Variants in PLEKHA5 observed in about 807,000 individuals in gnomAD.
PLEKHA5 encodes pleckstrin homology domain containing A5, also known as pleckstrin homology domain-containing family A member 5.
PLEKHA5 carries 55 observed loss-of-function variants against 181.9 expected under a neutral mutation model. The ratio of observed to expected loss-of-function variants is 0.30; its 90% CI spans 0.24 to 0.38. The LOEUF (loss-of-function observed/expected upper bound fraction) is 0.38, where lower values mean the gene tolerates loss of function less well. Among genes scored for constraint, PLEKHA5 ranks in the 10% least tolerant of loss-of-function variants. The pLI is 1.00. For synonymous variants in PLEKHA5, 535 were observed against 529.4 expected (o/e 1.01, Z -0.15); for missense variants, 1,432 against 1,549.5 (o/e 0.92, Z 1.27).
Position 19,361,623 on chromosome 12 carries a change from A to G in PLEKHA5, c.3525A>G (p.Glu1175=), listed in dbSNP as rs758051778. 1 of 1,557,670 alleles carries G rather than the reference A, an allele frequency of 6.4e-7. No homozygotes were observed. The highest frequency in any genetic ancestry group is 8.8e-7 in the Non-Finnish European group (1 of 1,135,086). The part of the protein sequence containing the change: ...TENISYEMLF[E]PEPNGVNSVE... ...ACATTTCATATGAAATGCTTTTTGA[A>G]CCTGAGCCAAATGGAGTAAATTCTG... Residue 1175 remains glutamate (E), a synonymous_variant, in exon 29 of 32, where the codon GAA becomes GAG. Coordinates refer to ENST00000429027, the MANE Select transcript of PLEKHA5 (RefSeq NM_001256470.2).
chr12:19,361,266 T>C (rs1163831544), intron 28 of PLEKHA5, among the ~76,000 whole-genome samples: 2 of 152,180 alleles, frequency 1.3e-5, no homozygotes, highest in East Asian at 1.9e-4. Flanking sequence ...CACTGCATGC[T>C]CCACCTGCCA....
chr12:19,237,971 C>G (rs1289499591), intron 3 of PLEKHA5, among the ~76,000 whole-genome samples: 1 of 151,844 alleles, frequency 6.6e-6, no homozygotes, highest in East Asian at 1.9e-4. Flanking sequence ...TTATATTGTA[C>G]AAACAAAAGC....
intron 3 of PLEKHA5, among the ~76,000 whole-genome samples, chr12:19,138,000 G>A (rs1002427470): frequency 2.0e-5 from 3 of 152,106 alleles, no homozygotes; most frequent in Admixed American, 1.3e-4. Context: ...AGACCCCTTC[G>A]TTTCTTCTTA....
At chr12:19,320,306 G>T (rs1363069475) in intron 17 of PLEKHA5, among the ~76,000 whole-genome samples, 1 of 151,878 alleles carries the variant, frequency 6.6e-6, no homozygotes, top group African/African-American at 2.4e-5. Context: ...TATTAGTTTT[G>T]TTTGACCAGC....
chr12:19,213,182 G>A (rs972113924), intron 3 of PLEKHA5, among the ~76,000 whole-genome samples: 5 of 152,094 alleles, frequency 3.3e-5, no homozygotes, highest in African/African-American at 1.2e-4. Flanking sequence ...TGTGTGCAGC[G>A]GCATGGATGG....
At chr12:19,354,258 T>C (rs1177520125) in intron 26 of PLEKHA5, among the ~76,000 whole-genome samples, 3 of 125,608 alleles carry the variant, frequency 2.4e-5, no homozygotes, top group Middle Eastern at 4.9e-3. Flanking sequence ...TTCACGCCAT[T>C]CTCCTGCCTT....
chr12:19,269,880 G>T lies in PLEKHA5; in HGVS notation c.822G>T (p.Val274=). Residue 274 remains valine, a synonymous_variant, in exon 9 of 32, where the codon GTG becomes GTT. Transcript: ENST00000429027. ...CTGCCCTAGTACAGACAGAACCTGT[G>T]AAAAGGTAAAGGCTTGTAGAAAAAA... ...LDAALVQTEP[V]KRITFNFRVD... is the part of the protein sequence containing the mutation. 1 of 1,524,766 alleles carries T rather than the reference G, an allele frequency of 6.6e-7. No homozygotes were observed. The highest frequency in any genetic ancestry group is 1.1e-5 in the South Asian group (1 of 88,408). The allele number at this position is 1,524,766 out of a possible 1,614,324, so 94.5% of individuals were successfully genotyped here. A position where few individuals can be genotyped will look rare whatever the true frequency, so the allele number is the denominator to read the frequency against.
In PLEKHA5 at chr12:19,359,506, T is replaced by C. The variant is rs199532760; in HGVS notation, c.3443T>C (p.Leu1148Pro). The change falls in exon 28 of 32, where the codon CTA (leucine) becomes CCA (proline). Residue 1148 changes from leucine to proline, a missense_variant. Transcript: ENST00000429027. ...HETPATEIVQLKETEPQNVDF... is the reference protein window; with the variant it reads ...HETPATEIVQPKETEPQNVDF... ...ACTCCTGCAACAGAAATTGTTCAAC[T>C]AAAAGAAACCGAACCCCAAAATGTG... 6.2e-7 allele frequency: 1 copy of C among 1,613,940 alleles called. No individual in the cohort carries two copies. The highest frequency in any genetic ancestry group is 2.2e-5 in the East Asian group (1 of 44,844).
At chr12:19,357,992 C>T (rs1350253284) in intron 26 of PLEKHA5, among the ~76,000 whole-genome samples, 1 of 151,952 alleles carries the variant, frequency 6.6e-6, no homozygotes, top group Non-Finnish European at 1.5e-5. Context: ...TTTCTCTCTC[C>T]TCCCTTATAA....
chr12:19,279,659 C>CA (rs747823499), intron 11 of PLEKHA5, among the ~76,000 whole-genome samples: 8,581 of 131,126 alleles, frequency 0.065, 424 homozygotes, highest in East Asian at 0.19. Context: ...GACTCCATCT[C>CA]AAAAAAAAAA....
At chr12:19,226,227 G>C (rs2059667256) in intron 3 of PLEKHA5, among the ~76,000 whole-genome samples, 1 of 152,010 alleles carries the variant, frequency 6.6e-6, no homozygotes, top group Non-Finnish European at 1.5e-5. Flanking sequence ...TTTTCACTTA[G>C]CATAATGGTT....
At chr12:19,337,915 C>T (rs544948960) in intron 21 of PLEKHA5, among the ~76,000 whole-genome samples, 28 of 151,920 alleles carry the variant, frequency 1.8e-4, no homozygotes, top group African/African-American at 6.5e-4. Flanking sequence ...CCTGTAATCC[C>T]AGCTACTCCA....
intron 3 of PLEKHA5, among the ~76,000 whole-genome samples, chr12:19,181,978 G>A (rs1255928707): frequency 6.6e-6 from 1 of 152,090 alleles, no homozygotes; most frequent in African/African-American, 2.4e-5. Context: ...CTGCTACATA[G>A]TCCTTGCTCT....
At chr12:19,308,572 C>G (rs566742295) in intron 15 of PLEKHA5, among the ~76,000 whole-genome samples, 1 of 152,128 alleles carries the variant, frequency 6.6e-6, no homozygotes, top group Non-Finnish European at 1.5e-5. Context: ...AGTTCACTTA[C>G]ATTACTTACA....
intron 3 of PLEKHA5, among the ~76,000 whole-genome samples, chr12:19,197,672 G>A (rs937846303): frequency 1.5e-5 from 2 of 131,740 alleles, no homozygotes; most frequent in Admixed American, 1.6e-4. Flanking sequence ...GAGTCTATCC[G>A]GTGCTGTGTG....
In PLEKHA5 at chr12:19,274,965, A is replaced by G; in HGVS notation, c.1295A>G (p.His432Arg). ...QWIKIQKGRG[H>R]EEETRGVISY... is the part of the protein sequence containing the mutation. ...ATTAAAATCCAGAAGGGGAGGGGTC[A>G]TGAAGAAGAAACCAGGGGGTAAGTG... Residue 432 changes from histidine to arginine, a missense_variant, in exon 11 of 32, where the codon CAT becomes CGT. His to Arg is a conservative substitution (Grantham distance 29). Coordinates refer to ENST00000429027, the MANE Select transcript of PLEKHA5 (RefSeq NM_001256470.2). 1 of 1,608,160 alleles carries G rather than the reference A, an allele frequency of 6.2e-7. No individual in the cohort carries two copies. The highest frequency in any genetic ancestry group is 8.5e-7 in the Non-Finnish European group (1 of 1,178,894).
intron 3 of PLEKHA5, among the ~76,000 whole-genome samples, chr12:19,235,634 T>C (rs1389222342): frequency 1.3e-5 from 2 of 152,180 alleles, no homozygotes; most frequent in African/African-American, 4.8e-5. Context: ...GTAACCTGCC[T>C]GTGGTCAGAA....
chr12:19,231,487 C>T (rs1052333433), intron 3 of PLEKHA5, among the ~76,000 whole-genome samples: 1 of 94,822 alleles, frequency 1.1e-5, no homozygotes, highest in Non-Finnish European at 2.6e-5. Context: ...AAAGGTTATA[C>T]TTAGGACCTA....
At chr12:19,367,479 T>C (rs1196383757) in intron 30 of PLEKHA5, among the ~76,000 whole-genome samples, 2 of 151,256 alleles carry the variant, frequency 1.3e-5, no homozygotes, top group African/African-American at 4.9e-5. Context: ...GGTCTTGAAC[T>C]CCTGACCTCA....
Sources: allele counts gnomAD v4.1 joint callset (sites outside exome capture counted in the v4.1 genomes callset), GRCh38; gene constraint gnomAD v4.1.1; transcripts MANE v1.5; gene names NCBI Gene and HGNC (gene_info 2026-07-23, HGNC 2026-07-21).